The following PPARGC1A variants were observed in gnomAD, a reference collection of about 807,000 sequenced individuals.
PPARGC1A encodes peroxisome proliferator-activated receptor gamma coactivator 1-alpha.
Under a neutral mutation model 88.7 loss-of-function variants are expected in PPARGC1A, and 25 were observed. That is an observed-to-expected ratio of 0.28 (90% CI 0.21 to 0.39). PPARGC1A has a LOEUF of 0.39. Ranked by LOEUF, PPARGC1A falls within the 10% of genes least tolerant of loss-of-function variation. The pLI, the probability that PPARGC1A is intolerant of heterozygous loss-of-function variation, is 1.00. For synonymous variants in PPARGC1A, 363 were observed against 355.6 expected (o/e 1.02, Z -0.24); for missense variants, 880 against 968.7 (o/e 0.91, Z 1.22).
chr4:23,953,453 G>T, the PPARGC1A span, among the ~76,000 whole-genome samples: 1 of 152,092 alleles, frequency 6.6e-6, no homozygotes, highest in African/African-American at 2.4e-5. Context: ...ATGTTGGATT[G>T]GATTGGTTTA....
At chr4:24,190,420 C>T in the PPARGC1A span, among the ~76,000 whole-genome samples, 16 of 152,218 alleles carry the variant, frequency 1.1e-4, no homozygotes, top group African/African-American at 3.9e-4. Flanking sequence ...GAAGCTGAGG[C>T]AGGAGAATGG....
At chr4:24,026,261 A>G in the PPARGC1A span, among the ~76,000 whole-genome samples, 1 of 152,104 alleles carries the variant, frequency 6.6e-6, no homozygotes, top group African/African-American at 2.4e-5. Flanking sequence ...TGACTATGTC[A>G]TTCATTTGCA....
chr4:23,928,678 A>G, the PPARGC1A span, among the ~76,000 whole-genome samples: 892 of 151,680 alleles, frequency 5.9e-3, 49 homozygotes, highest in East Asian at 0.1. Flanking sequence ...TATTAACAAT[A>G]GCAAACACGT....
the PPARGC1A span, among the ~76,000 whole-genome samples, chr4:24,441,354 T>A: frequency 6.6e-6 from 1 of 152,334 alleles, no homozygotes; most frequent in Non-Finnish European, 1.5e-5. Context: ...CCCCTTCTGA[T>A]TTGTATTCCC....
chr4:23,934,727 T>C, the PPARGC1A span, among the ~76,000 whole-genome samples: 3 of 152,196 alleles, frequency 2.0e-5, no homozygotes, highest in South Asian at 4.1e-4. Flanking sequence ...CACTATGATA[T>C]AGGCAGAGAA....
the PPARGC1A span, among the ~76,000 whole-genome samples, chr4:23,934,251 C>T: frequency 1.3e-5 from 2 of 152,120 alleles, no homozygotes; most frequent in African/African-American, 4.8e-5. Context: ...AAAGTGGCAA[C>T]TTAAAGTCAA....
At chr4:24,432,579 C>T in the PPARGC1A span, among the ~76,000 whole-genome samples, 13 of 152,210 alleles carry the variant, frequency 8.5e-5, no homozygotes, top group African/African-American at 3.1e-4. Context: ...ACTCACCCAG[C>T]ATCCAGAGCG....
the PPARGC1A span, among the ~76,000 whole-genome samples, chr4:23,991,494 G>T: frequency 6.6e-6 from 1 of 151,890 alleles, no homozygotes; most frequent in African/African-American, 2.4e-5. Context: ...TTGCATCAGG[G>T]GAGCTTTCCC....
At chr4:24,119,925 A>C in the PPARGC1A span, among the ~76,000 whole-genome samples, 1 of 152,138 alleles carries the variant, frequency 6.6e-6, no homozygotes, top group East Asian at 1.9e-4. Context: ...TAGCCATCAT[A>C]AATTATTTTC....
intron 2 of PPARGC1A, among the ~76,000 whole-genome samples, chr4:23,870,469 T>C (rs555106752): frequency 4.6e-5 from 7 of 152,362 alleles, no homozygotes; most frequent in African/African-American, 1.7e-4. Flanking sequence ...TCTTGTCTCT[T>C]TTGGTCAGTT....
chr4:24,325,572 C>A, the PPARGC1A span, among the ~76,000 whole-genome samples: 1 of 152,184 alleles, frequency 6.6e-6, no homozygotes, highest in Non-Finnish European at 1.5e-5. Context: ...CGGGACCCCA[C>A]TGGAAATCGG....
At position 23,876,547 on chromosome 4, in the gene PPARGC1A, G is replaced by C. The variant is rs188138105; in HGVS notation, c.234+8205C>G. Among the ~76,000 whole-genome samples, 10 of 152,242 alleles carry C rather than the reference G, an allele frequency of 6.6e-5. No homozygotes were observed. The South Asian group carries it at 1.7e-3, about 25-fold the overall frequency. On this transcript the variant is annotated intron_variant, in intron 2 of 12. Transcript: ENST00000264867. ...ACTCTCAACTCTGTGCTGAAGAGAG[G>C]GCTCTGATAAATCATGCTGATTTGG...
At chr4:24,082,619 CA>C in the PPARGC1A span, among the ~76,000 whole-genome samples, 1 of 152,138 alleles carries the variant, frequency 6.6e-6, no homozygotes, top group African/African-American at 2.4e-5. Flanking sequence ...CTTCTTTTGA[CA>C]TTTTTTTTCA....
rs915712565 is a variant in PPARGC1A at position 23,841,887 on chromosome 4, TGTTGA to T, written c.235-10141_235-10137del. ...TCTTTACTATTTTCTATATTCCTGA[TGTTGA>T]GTTAATTTCTCTACATGCATTATTT... On this transcript the variant is annotated intron_variant, in intron 2 of 12. Transcript: ENST00000264867. Among the ~76,000 whole-genome samples the T allele has an allele frequency of 1.6e-4, 25 of 152,262 alleles. No individual in the cohort carries two copies. The South Asian group carries it at 1.9e-3, about 11-fold the overall frequency.
At chr4:24,382,395 T>C in the PPARGC1A span, among the ~76,000 whole-genome samples, 1 of 152,160 alleles carries the variant, frequency 6.6e-6, no homozygotes, top group African/African-American at 2.4e-5. Flanking sequence ...TTATTTCAAA[T>C]TTTCCCTTAA....
the PPARGC1A span, among the ~76,000 whole-genome samples, chr4:24,095,226 T>A: frequency 6.7e-6 from 1 of 149,282 alleles, no homozygotes; most frequent in Non-Finnish European, 1.5e-5. Context: ...CAAGCAATTC[T>A]CCTGCCTCAG....
chr4:24,430,055 A>C, the PPARGC1A span, among the ~76,000 whole-genome samples: 2 of 152,124 alleles, frequency 1.3e-5, no homozygotes, highest in Non-Finnish European at 2.9e-5. Context: ...GGAACTGGAA[A>C]AAGCCTTACA....
At chr4:23,887,021 T>C (rs899005481) in intron 1 of PPARGC1A, among the ~76,000 whole-genome samples, 3 of 152,234 alleles carry the variant, frequency 2.0e-5, no homozygotes, top group Non-Finnish European at 4.4e-5. Context: ...GGACAACTTC[T>C]TCCTGTCCCT....
chr4:24,214,898 A>G, the PPARGC1A span, among the ~76,000 whole-genome samples: 1 of 152,162 alleles, frequency 6.6e-6, no homozygotes, highest in African/African-American at 2.4e-5. Flanking sequence ...GGCACAGGAG[A>G]GTCAGGGTAC....
Sources: allele counts gnomAD v4.1 joint callset (sites outside exome capture counted in the v4.1 genomes callset), GRCh38; gene constraint gnomAD v4.1.1; transcripts MANE v1.5; gene names NCBI Gene and HGNC (gene_info 2026-07-23, HGNC 2026-07-21).